MACF1: variants seen among roughly 807,000 people sequenced by gnomAD.
MACF1 encodes microtubule actin crosslinking factor 1, also known as microtubule-actin cross-linking factor 1.
Under a neutral mutation model 854.8 loss-of-function variants are expected in MACF1, and 193 were observed. The ratio of observed to expected loss-of-function variants is 0.23; its 90% CI spans 0.20 to 0.25. The LOEUF (loss-of-function observed/expected upper bound fraction) is 0.25. Among genes scored for constraint, MACF1 ranks in the 10% least tolerant of loss-of-function variants. The pLI is 1.00. For synonymous variants in MACF1, 3,185 were observed against 3,226.7 expected (o/e 0.99, Z 0.44); for missense variants, 7,722 against 8,929.1 (o/e 0.86, Z 5.45).
intron 6 of MACF1, among the ~76,000 whole-genome samples, chr1:39,279,505 T>C (rs986017649): frequency 1.3e-5 from 2 of 152,112 alleles, no homozygotes; most frequent in African/African-American, 2.4e-5. Flanking sequence ...CTCCCTTGTA[T>C]TGATCACAAG....
chr1:39,203,865 T>A (rs72661925), upstream of MACF1, among the ~76,000 whole-genome samples: 24,291 of 152,200 alleles, frequency 0.16, 2,415 homozygotes, highest in Middle Eastern at 0.22. Context: ...ATTTGGGTTG[T>A]TTCCAGTTTT....
intron 40 of MACF1, 105 bp downstream of exon 40, chr1:39,341,058 G>C: frequency 9.9e-7 from 1 of 1,010,608 alleles, no homozygotes; most frequent in Non-Finnish European, 1.4e-6. Flanking sequence ...TTTTGAGACG[G>C]AGTCTTGCTC....
At chr1:39,169,051 CTT>C (rs1473260751) in intron 2 of MACF1, among the ~76,000 whole-genome samples, 1 of 152,214 alleles carries the variant, frequency 6.6e-6, no homozygotes, top group East Asian at 1.9e-4. Flanking sequence ...TCTGTTAACT[CTT>C]TTCTCTTCAT....
intron 50 of MACF1, 36 bp downstream of exon 50, chr1:39,368,350 C>A: frequency 6.3e-7 from 1 of 1,575,402 alleles, no homozygotes; most frequent in Non-Finnish European, 8.7e-7. Flanking sequence ...CATTGGGGAA[C>A]TATTTTTTCT....
chr1:39,369,361 T>C (rs1170199509), intron 50 of MACF1, among the ~76,000 whole-genome samples: 1 of 152,206 alleles, frequency 6.6e-6, no homozygotes, highest in Non-Finnish European at 1.5e-5. Context: ...ATAACTGCCT[T>C]AGTGATTAGA....
intron 95 of MACF1, among the ~76,000 whole-genome samples, chr1:39,467,149 G>A (rs901616681): frequency 1.2e-4 from 18 of 152,128 alleles, no homozygotes; most frequent in Non-Finnish European, 2.4e-4. Flanking sequence ...GGCAGATCAC[G>A]AGGTCAGGAG....
At chr1:39,203,620 C>G (rs1020143781), upstream of MACF1, among the ~76,000 whole-genome samples, 1 of 152,176 alleles carries the variant, frequency 6.6e-6, no homozygotes, top group Non-Finnish European at 1.5e-5. Flanking sequence ...AATTTCCTTC[C>G]CTCATTCTCA....
intron 64 of MACF1, 138 bp downstream of exon 64, chr1:39,429,464 G>C: frequency 1.6e-6 from 1 of 609,970 alleles, no homozygotes; most frequent in East Asian, 2.7e-5. Flanking sequence ...ATTCCCTACT[G>C]TGCTCCAGAA....
chr1:39,147,163 CT>C (rs1228602425), intron 2 of MACF1, among the ~76,000 whole-genome samples: 37 of 147,992 alleles, frequency 2.5e-4, no homozygotes, highest in Non-Finnish European at 4.8e-4. Flanking sequence ...TCCCATTCCC[CT>C]TTCCCCTCCT....
chr1:39,201,945 T>C (rs1644394598), upstream of MACF1, among the ~76,000 whole-genome samples: 3 of 149,882 alleles, frequency 2.0e-5, no homozygotes, highest in South Asian at 6.3e-4. Flanking sequence ...ATGACTTGTT[T>C]GCTCATATTC....
At chr1:39,450,907 G>A (rs1303464033) in intron 84 of MACF1, 145 bp from the exon 85 acceptor site, 15 of 912,630 alleles carry the variant, frequency 1.6e-5, no homozygotes, top group East Asian at 8.3e-5. Context: ...CACCGCGCCC[G>A]GCCTTTACTG....
At chr1:39,096,216 G>A (rs971940829) in intron 2 of MACF1, among the ~76,000 whole-genome samples, 1 of 150,868 alleles carries the variant, frequency 6.6e-6, no homozygotes, top group Non-Finnish European at 1.5e-5. Context: ...AGGAAAGATT[G>A]AGTCTTGCTT....
chr1:39,484,902 G>A (rs1645076623), intron 100 of MACF1, 172 bp downstream of exon 100: 1 of 720,592 alleles, frequency 1.4e-6, no homozygotes, highest in Non-Finnish European at 2.4e-6. Context: ...TGTCATTACA[G>A]CTAGCTTTAA....
rs760435741 is a variant in MACF1 at position 39,336,152 on chromosome 1, A to G, written c.9564A>G (p.Glu3188=). The change falls in exon 37 of 101, where the codon GAA becomes GAG. Residue 3188 remains glutamate, a synonymous_variant. Coordinates refer to ENST00000564288, the MANE Select transcript of MACF1 (RefSeq NM_001394062.1). ...CAGCAAGAGGTCTTAAATTGGAAGA[A>G]ATCACAGTTTCTAGACCAGATTCAA... is the stretch of plus-strand genomic sequence containing the variant. The part of the protein sequence containing the change: ...FDPARGLKLE[E]ITVSRPDSKE... 1.1e-5 allele frequency: 17 copies of G among 1,614,100 alleles called. No individual in the cohort carries two copies. The highest frequency in any genetic ancestry group is 1.4e-5 in the Non-Finnish European group (17 of 1,180,042).
intron 2 of MACF1, among the ~76,000 whole-genome samples, chr1:39,128,142 G>T (rs1642908559): frequency 6.6e-6 from 1 of 152,010 alleles, no homozygotes; most frequent in Non-Finnish European, 1.5e-5. Context: ...GGTTGGTTGT[G>T]TCTCTTCTTG....
rs1490762716 is a variant in MACF1, at chr1:39,105,689, G to T, written c.220+21251G>T. Reference sequence around the variant, plus strand: ...GCCAGGAGAAGGAGTTCGTGCAGGCGTACGAGGATGTGCTGGAGCGGTACA... The same window carrying T: ...GCCAGGAGAAGGAGTTCGTGCAGGCTTACGAGGATGTGCTGGAGCGGTACA... On this transcript the variant is annotated intron_variant, in intron 2 of 93. Transcript: ENST00000361689. The surrounding 1 kb of genome is among the most constrained non-coding windows in gnomAD (Gnocchi z 5.9). 1 of 1,231,744 alleles carries T rather than the reference G, an allele frequency of 8.1e-7. No homozygotes were observed. Among genetic ancestry groups the T allele is most frequent in the Admixed American group, 2.7e-5 (1 of 37,522 alleles). The allele number at this position is 1,231,744 out of a possible 1,614,324, so 76.3% of individuals were successfully genotyped here. A position where few individuals can be genotyped will look rare whatever the true frequency, so the allele number is the denominator to read the frequency against.
chr1:39,390,811 T>C (rs1179736663), intron 58 of MACF1, among the ~76,000 whole-genome samples: 3 of 152,128 alleles, frequency 2.0e-5, no homozygotes, highest in African/African-American at 2.4e-5. Flanking sequence ...GGCTCCAAAA[T>C]AGTTTTGTTT....
At chr1:39,226,202 G>A (rs1457501639) in intron 1 of MACF1, among the ~76,000 whole-genome samples, 1 of 152,132 alleles carries the variant, frequency 6.6e-6, no homozygotes, top group Admixed American at 6.5e-5. Flanking sequence ...TTCACAATAA[G>A]TACTTAAACG....
intron 2 of MACF1, among the ~76,000 whole-genome samples, chr1:39,126,342 C>G (rs1642859544): frequency 6.6e-6 from 1 of 152,158 alleles, no homozygotes; most frequent in Non-Finnish European, 1.5e-5. Context: ...TCAAATGTCC[C>G]CTTTTTATAA....
Sources: allele counts gnomAD v4.1 joint callset (sites outside exome capture counted in the v4.1 genomes callset), GRCh38; gene constraint gnomAD v4.1.1; non-coding constraint Gnocchi (gnomAD v3.1); transcripts MANE v1.5; gene names NCBI Gene and HGNC (gene_info 2026-07-23, HGNC 2026-07-21).